NTNG1: variants seen among roughly 807,000 people sequenced by gnomAD.
NTNG1 encodes the protein netrin G1, also known as netrin-G1.
NTNG1 carries 16 observed loss-of-function variants against 54.0 expected under a neutral mutation model. The observed-to-expected ratio is 0.30, with a 90% CI of 0.20 to 0.45. The LOEUF is 0.45. NTNG1 is among the 20% of genes least tolerant of loss of function. The pLI, the probability that NTNG1 is intolerant of heterozygous loss-of-function variation, is 1.00. For missense variants in NTNG1, 530 were observed against 678.7 expected, an observed-to-expected ratio of 0.78 and a Z score of 2.43; for synonymous variants, 255 against 263.1, an observed-to-expected ratio of 0.97 and a Z score of 0.30.
intron 2 of NTNG1, among the ~76,000 whole-genome samples, chr1:107,203,370 A>G (rs530189465): frequency 1.6e-4 from 25 of 151,840 alleles, no homozygotes; most frequent in African/African-American, 5.5e-4. Flanking sequence ...TTGAGATAGA[A>G]TTCCAGATTG....
intron 2 of NTNG1, among the ~76,000 whole-genome samples, chr1:107,171,130 T>C (rs927499998): frequency 1.1e-4 from 17 of 152,186 alleles, no homozygotes; most frequent in Admixed American, 6.5e-4. Context: ...TACCATACTC[T>C]GTGCCCTTTT....
At chr1:107,167,613 A>G (rs1330888989) in intron 2 of NTNG1, among the ~76,000 whole-genome samples, 1 of 152,032 alleles carries the variant, frequency 6.6e-6, no homozygotes, top group Non-Finnish European at 1.5e-5. Context: ...ATGACTTGCC[A>G]TAAGTCACAG....
intron 3 of NTNG1, among the ~76,000 whole-genome samples, chr1:107,353,400 C>G (rs1028036549): frequency 6.6e-6 from 1 of 152,166 alleles, no homozygotes; most frequent in African/African-American, 2.4e-5. Flanking sequence ...CAGGGCACAA[C>G]GCAGTCAACA....
intron 2 of NTNG1, among the ~76,000 whole-genome samples, chr1:107,252,617 T>C (rs1662681714): frequency 6.6e-6 from 1 of 152,210 alleles, no homozygotes; most frequent in South Asian, 2.1e-4. Flanking sequence ...TTCTTGCACA[T>C]GAGTGGATTG....
At chr1:107,230,293 C>A (rs1310872771) in intron 2 of NTNG1, among the ~76,000 whole-genome samples, 1 of 152,120 alleles carries the variant, frequency 6.6e-6, no homozygotes, top group African/African-American at 2.4e-5. Context: ...CACCTGTATG[C>A]GGGTGGGGGA....
At chr1:107,346,791 A>G (rs1669267470) in intron 3 of NTNG1, among the ~76,000 whole-genome samples, 1 of 148,406 alleles carries the variant, frequency 6.7e-6, no homozygotes, top group African/African-American at 2.5e-5. Flanking sequence ...TATTTTGTAT[A>G]TGCATTTGTG....
At position 107,343,504 on chromosome 1, in the gene NTNG1, CT is replaced by C. The variant is rs199569211; in HGVS notation, c.887+18594del. On this transcript the variant is annotated intron_variant, in intron 3 of 7. Coordinates refer to ENST00000370068, the MANE Select transcript of NTNG1 (RefSeq NM_001113226.3). Reference sequence around the variant, plus strand: ...TGCTATCTTGGCTTTCTTGACCCTACTTTTTTTTTTTTCCTTTCATTTCCCC... The same window carrying C: ...TGCTATCTTGGCTTTCTTGACCCTACTTTTTTTTTTTCCTTTCATTTCCCC... 1.9e-3 allele frequency among the ~76,000 whole-genome samples: 285 copies of C among 146,506 alleles called. 2 individuals carry two copies. Among genetic ancestry groups the C allele is most frequent in the East Asian group, 7.5e-3 (38 of 5,040 alleles).
At chr1:107,418,003 A>C (rs186378819) in intron 5 of NTNG1, among the ~76,000 whole-genome samples, 5 of 152,054 alleles carry the variant, frequency 3.3e-5, no homozygotes, top group Non-Finnish European at 7.4e-5. Flanking sequence ...CTTAAATACA[A>C]CTGGAAGCAT....
intron 3 of NTNG1, among the ~76,000 whole-genome samples, chr1:107,327,644 A>G (rs532168142): frequency 6.6e-6 from 1 of 151,966 alleles, no homozygotes; most frequent in African/African-American, 2.4e-5. Flanking sequence ...AACATTTAAC[A>G]TGCCTTTACA....
chr1:107,154,923 G>C (rs1158195361), intron 2 of NTNG1, among the ~76,000 whole-genome samples: 1 of 152,030 alleles, frequency 6.6e-6, no homozygotes, highest in Non-Finnish European at 1.5e-5. Context: ...CGAATGCAGA[G>C]ATGCAACATT....
At chr1:107,442,285 C>A (rs530394847) in intron 7 of NTNG1, among the ~76,000 whole-genome samples, 9 of 152,100 alleles carry the variant, frequency 5.9e-5, no homozygotes, top group African/African-American at 1.9e-4. Context: ...AAGAAAAATT[C>A]AAAATATTCC....
intron 3 of NTNG1, among the ~76,000 whole-genome samples, chr1:107,325,960 T>G (rs929232721): frequency 2.0e-5 from 3 of 152,140 alleles, no homozygotes; most frequent in African/African-American, 4.8e-5. Context: ...TGATTCAATT[T>G]ATTGGCTGCC....
intron 2 of NTNG1, among the ~76,000 whole-genome samples, chr1:107,315,409 A>G (rs1335317974): frequency 1.3e-5 from 2 of 152,172 alleles, no homozygotes; most frequent in Non-Finnish European, 2.9e-5. Context: ...AAATTGTGGC[A>G]GGCCTCCCCT....
chr1:107,359,392 A>T (rs774003392), intron 3 of NTNG1, among the ~76,000 whole-genome samples: 1 of 152,210 alleles, frequency 6.6e-6, no homozygotes, highest in African/African-American at 2.4e-5. Context: ...ACCAGTTAAG[A>T]TATCAGAGAA....
At chr1:107,363,470 C>T (rs1670409099) in intron 3 of NTNG1, among the ~76,000 whole-genome samples, 1 of 152,154 alleles carries the variant, frequency 6.6e-6, no homozygotes, top group South Asian at 2.1e-4. Flanking sequence ...CAACATCATG[C>T]CTAATTTCAT....
chr1:107,207,464 T>C (rs1165504164), intron 2 of NTNG1, among the ~76,000 whole-genome samples: 1 of 152,198 alleles, frequency 6.6e-6, no homozygotes, highest in Non-Finnish European at 1.5e-5. Context: ...CCATGGTGCT[T>C]AGTGAGAGAT....
Position 107,430,972 on chromosome 1 carries a change from A to T in NTNG1, c.1255+55A>T. 4 of 1,562,316 alleles carry T rather than the reference A, an allele frequency of 2.6e-6. No homozygotes were observed. In the South Asian group the frequency reaches 4.6e-5, roughly 18 times the overall value. ...TCTGTGCCTTTTGAGCTACGGGGAG[A>T]TATTTAGGGTGGAGAGGCTGGCGAT... On this transcript the variant is annotated intron_variant, in intron 6 of 7. Coordinates refer to ENST00000370068, the MANE Select transcript of NTNG1 (RefSeq NM_001113226.3).
chr1:107,432,734 A>G (rs931769984), intron 6 of NTNG1, among the ~76,000 whole-genome samples: 10 of 152,194 alleles, frequency 6.6e-5, no homozygotes, highest in African/African-American at 2.4e-4. Context: ...AAAATGTTTT[A>G]TAATATTTAA....
chr1:107,324,227 A>C, intron 2 of NTNG1, 55 bp from the exon 3 acceptor site: 1 of 1,551,994 alleles, frequency 6.4e-7, no homozygotes, highest in Non-Finnish European at 8.8e-7. Flanking sequence ...GCAATATGGC[A>C]AGACTTGTGG....
Sources: gnomAD v4.1 joint callset for allele counts (sites outside exome capture counted in the v4.1 genomes callset) on GRCh38, gnomAD v4.1.1 for gene constraint, MANE v1.5 for transcripts, NCBI Gene and HGNC (gene_info 2026-07-23, HGNC 2026-07-21) for gene names.